LSAMP: variants seen among roughly 807,000 people sequenced by gnomAD.
LSAMP encodes limbic system associated membrane protein, also known as limbic system-associated membrane protein.
In LSAMP, 7 loss-of-function variants were observed where a neutral mutation model predicts 38.6. The ratio of observed to expected loss-of-function variants is 0.18; its 90% CI spans 0.10 to 0.34. The LOEUF (loss-of-function observed/expected upper bound fraction) is 0.34. Among genes scored for constraint, LSAMP ranks in the 10% least tolerant of loss-of-function variants. LSAMP has a pLI of 1.00. For synonymous variants in LSAMP, 154 were observed against 166.8 expected, an observed-to-expected ratio of 0.92 and a Z score of 0.59; for missense variants, 313 against 420.0, an observed-to-expected ratio of 0.75 and a Z score of 2.23.
chr3:116,357,498 T>C (rs946488214), intron 1 of LSAMP, among the ~76,000 whole-genome samples: 1 of 149,764 alleles, frequency 6.7e-6, no homozygotes, highest in Non-Finnish European at 1.5e-5. Flanking sequence ...GTTTAAACGC[T>C]AATTAAATAA....
chr3:116,204,964 T>TGGC (rs1398894328), intron 1 of LSAMP, among the ~76,000 whole-genome samples: 2 of 144,566 alleles, frequency 1.4e-5, no homozygotes, highest in African/African-American at 5.0e-5. Context: ...TTTATGGGGA[T>TGGC]GGCATTGAAT....
At chr3:115,815,471 ACT>A (rs1455626716) in intron 6 of LSAMP, among the ~76,000 whole-genome samples, 1 of 152,056 alleles carries the variant, frequency 6.6e-6, no homozygotes, top group Non-Finnish European at 1.5e-5. Context: ...CATTTTCTCT[ACT>A]CTCTATAAAG....
rs146680206 is a variant in LSAMP at position 115,887,529 on chromosome 3, C to A, written c.515-34912G>T. 6.3e-3 allele frequency among the ~76,000 whole-genome samples: 963 copies of A among 151,930 alleles called. 9 individuals are homozygous for A. Among genetic ancestry groups the A allele is most frequent in the Non-Finnish European group, 7.1e-3 (484 of 67,876 alleles). On this transcript the variant is annotated intron_variant, in intron 3 of 6. Transcript: ENST00000490035. Reference sequence around the variant, plus strand: ...TCTTTTGGTTTTGCATTAAGTAGAACAACTATATTGAAAGAATTCATGCAG... The same window carrying A: ...TCTTTTGGTTTTGCATTAAGTAGAAAAACTATATTGAAAGAATTCATGCAG...
chr3:116,208,660 G>A lies in LSAMP; in HGVS notation c.156-122104C>T, dbSNP rs576871086. Among the ~76,000 whole-genome samples the A allele has an allele frequency of 4.4e-3, 673 of 152,228 alleles. 6 individuals are homozygous for A. The highest frequency in any genetic ancestry group is 0.015 in the African/African-American group (620 of 41,544). On this transcript the variant is annotated intron_variant, in intron 1 of 6. Transcript: ENST00000490035. ...TGCAGGTCTGTTGGAATACCCTGCCGTGTGAGGTGTCAGTGTGCCCCTGCT... is the reference window on the plus strand; with the variant it reads ...TGCAGGTCTGTTGGAATACCCTGCCATGTGAGGTGTCAGTGTGCCCCTGCT...
intron 1 of LSAMP, among the ~76,000 whole-genome samples, chr3:116,339,734 G>T (rs1443305437): frequency 6.6e-6 from 1 of 151,966 alleles, no homozygotes; most frequent in African/African-American, 2.4e-5. Context: ...TCTGAGTTTT[G>T]TCATGCTTCA....
At chr3:115,954,953 G>GTTTTTT (rs1257314299) in intron 3 of LSAMP, among the ~76,000 whole-genome samples, 1 of 38,612 alleles carries the variant, frequency 2.6e-5, no homozygotes, top group African/African-American at 4.1e-5. Context: ...TTCTGTTTTT[G>GTTTTTT]TTTTTGTTTT....
intron 1 of LSAMP, among the ~76,000 whole-genome samples, chr3:116,383,557 C>T (rs1372103731): frequency 6.6e-6 from 1 of 151,946 alleles, no homozygotes; most frequent in Non-Finnish European, 1.5e-5. Context: ...CTCTTAAGTG[C>T]CTGTCCAGTA....
At chr3:115,937,953 G>C (rs1937766327) in intron 3 of LSAMP, among the ~76,000 whole-genome samples, 1 of 152,148 alleles carries the variant, frequency 6.6e-6, no homozygotes, top group Non-Finnish European at 1.5e-5. Flanking sequence ...TGTGTGGACT[G>C]TTGAAATATA....
chr3:116,026,491 G>A (rs968681816), intron 2 of LSAMP, among the ~76,000 whole-genome samples: 1 of 152,176 alleles, frequency 6.6e-6, no homozygotes, highest in East Asian at 1.9e-4. Context: ...CAGAATCCAT[G>A]CCTCTTTCTT....
At chr3:115,886,149 A>G (rs1936448047) in intron 3 of LSAMP, among the ~76,000 whole-genome samples, 1 of 151,870 alleles carries the variant, frequency 6.6e-6, no homozygotes, top group Admixed American at 6.6e-5. Flanking sequence ...ATACTAATCC[A>G]TATCAGTGAG....
intron 3 of LSAMP, among the ~76,000 whole-genome samples, chr3:115,956,496 T>G (rs1354516210): frequency 6.6e-6 from 1 of 152,090 alleles, no homozygotes; most frequent in Non-Finnish European, 1.5e-5. Flanking sequence ...TTCAACTGAC[T>G]TTTAACATCT....
chr3:116,118,700 C>T (rs987667374), intron 1 of LSAMP, among the ~76,000 whole-genome samples: 1 of 152,102 alleles, frequency 6.6e-6, no homozygotes. Context: ...ACACAACACC[C>T]ACACACATGC....
chr3:116,392,164 T>C (rs1009778186), intron 1 of LSAMP, among the ~76,000 whole-genome samples: 2 of 152,182 alleles, frequency 1.3e-5, no homozygotes, highest in Non-Finnish European at 2.9e-5. Flanking sequence ...CACATTCCAC[T>C]GAGCCAGTGG....
chr3:115,926,250 A>G (rs920547719), intron 3 of LSAMP, among the ~76,000 whole-genome samples: 1 of 152,176 alleles, frequency 6.6e-6, no homozygotes, highest in African/African-American at 2.4e-5. Context: ...GAATGGTAAC[A>G]TGTCTGATAT....
intron 1 of LSAMP, among the ~76,000 whole-genome samples, chr3:116,179,030 TA>T (rs11402534): frequency 3.4e-4 from 51 of 148,396 alleles, no homozygotes; most frequent in African/African-American, 5.5e-4. Flanking sequence ...TTTTACTACC[TA>T]AAAAAAAAAA....
intron 1 of LSAMP, among the ~76,000 whole-genome samples, chr3:116,439,155 A>G (rs1029149084): frequency 5.9e-5 from 9 of 152,158 alleles, no homozygotes; most frequent in Non-Finnish European, 8.8e-5. Flanking sequence ...ATGTGGCAGC[A>G]GTATTTTTTA....
At chr3:116,005,866 G>A (rs562416515) in intron 3 of LSAMP, among the ~76,000 whole-genome samples, 173 of 152,256 alleles carry the variant, frequency 1.1e-3, no homozygotes, top group African/African-American at 3.8e-3. Context: ...CAGACTTTGG[G>A]GTGAGGAGCT....
At chr3:116,233,623 C>A (rs996940132) in intron 1 of LSAMP, among the ~76,000 whole-genome samples, 1 of 151,988 alleles carries the variant, frequency 6.6e-6, no homozygotes. Context: ...ATCCCCCTCT[C>A]CCTACTTCCC....
At chr3:116,130,894 T>C (rs1280393176) in intron 1 of LSAMP, among the ~76,000 whole-genome samples, 1 of 151,928 alleles carries the variant, frequency 6.6e-6, no homozygotes, top group Non-Finnish European at 1.5e-5. Flanking sequence ...TCCACTTCTC[T>C]CACTGGGCCT....
Sources: gnomAD v4.1 joint callset for allele counts (sites outside exome capture counted in the v4.1 genomes callset) on GRCh38, gnomAD v4.1.1 for gene constraint, MANE v1.5 for transcripts, NCBI Gene and HGNC (gene_info 2026-07-23, HGNC 2026-07-21) for gene names.